IQSEC1: variants seen among roughly 807,000 people sequenced by gnomAD.
IQSEC1 encodes the protein IQ motif and Sec7 domain ArfGEF 1.
IQSEC1 carries 31 observed loss-of-function variants against 91.0 expected under a neutral mutation model. The observed-to-expected ratio is 0.34, with a 90% CI of 0.26 to 0.46. The LOEUF (loss-of-function observed/expected upper bound fraction) is 0.46, where lower values mean the gene tolerates loss of function less well. Among genes scored for constraint, IQSEC1 ranks in the 20% least tolerant of loss-of-function variants. The probability of loss-of-function intolerance (pLI) is 1.00; values close to 1 mark genes in which losing one functional copy is unlikely to be tolerated. For missense variants in IQSEC1, 1,388 were observed against 1,575.6 expected, an observed-to-expected ratio of 0.88 and a Z score of 2.02; for synonymous variants, 699 against 662.6, an observed-to-expected ratio of 1.05 and a Z score of -0.84.
rs1032666648 is a variant in IQSEC1, at chr3:12,922,952, G to C, written c.1731-710C>G. On this transcript the variant is annotated intron_variant, in intron 4 of 13. Coordinates refer to ENST00000613206, the MANE Select transcript of IQSEC1 (RefSeq NM_001134382.3). This position sits in a 1 kb window ranked among gnomAD's most constrained non-coding sequence, Gnocchi z 5.1. ...TGGCCAAGCTCCCTAATGATGCTGC[G>C]GTCACTCCCATGGGGCAGAGAGAGG... 2.6e-5 allele frequency among the ~76,000 whole-genome samples: 4 copies of C among 152,232 alleles called. No individual in the cohort carries two copies. The East Asian group carries it at 7.8e-4, about 30-fold the overall frequency.
At chr3:13,093,817 T>A (rs946751217) in intron 2 of IQSEC1, among the ~76,000 whole-genome samples, 2 of 152,094 alleles carry the variant, frequency 1.3e-5, no homozygotes, top group African/African-American at 4.8e-5. Flanking sequence ...CCGCTAGGTC[T>A]CCCCCTGTCC....
In IQSEC1 at chr3:13,112,434, A is replaced by G. The variant is rs1706262095; in HGVS notation, c.302+51670T>C. On this transcript the variant is annotated intron_variant, in intron 2 of 15. Transcript: ENST00000648114. Reference sequence around the variant, plus strand: ...GTCCCCGGCACATGTGCAGTGCTGCATGGGAGGTGGCGCTCACTCTCAGTG... The same window carrying G: ...GTCCCCGGCACATGTGCAGTGCTGCGTGGGAGGTGGCGCTCACTCTCAGTG... Among the ~76,000 whole-genome samples, 3 of 152,244 alleles carry G rather than the reference A, an allele frequency of 2.0e-5. No homozygotes were observed. In the South Asian group the frequency reaches 6.2e-4, roughly 31 times the overall value.
intron 1 of IQSEC1, among the ~76,000 whole-genome samples, chr3:13,236,764 C>A (rs971993448): frequency 1.3e-5 from 2 of 152,246 alleles, no homozygotes; most frequent in African/African-American, 4.8e-5. Context: ...CATCAGTCTA[C>A]GCATCATCTA....
chr3:12,990,007 C>T (rs1322756070), intron 1 of IQSEC1, among the ~76,000 whole-genome samples: 1 of 152,210 alleles, frequency 6.6e-6, no homozygotes, highest in African/African-American at 2.4e-5. Flanking sequence ...ATACCAAACC[C>T]TCAGTCCACT....
rs534381733 is a variant in IQSEC1 at position 13,058,587 on chromosome 3, T to C, written c.23+14405A>G. On this transcript the variant is annotated intron_variant, in intron 1 of 13. Transcript: ENST00000613206. ...AGTCAGCACCATCCAGGGGAGGACC[T>C]GGAGGGCAGCTGCAGGGGACCTGAA... is the stretch of plus-strand genomic sequence containing the variant. 3.3e-5 allele frequency among the ~76,000 whole-genome samples: 5 copies of C among 152,282 alleles called. No homozygotes were observed. In the East Asian group the frequency reaches 9.7e-4, roughly 29 times the overall value.
upstream of IQSEC1, among the ~76,000 whole-genome samples, chr3:13,074,078 A>C (rs775344777): frequency 3.8e-4 from 58 of 152,330 alleles, no homozygotes; most frequent in Middle Eastern, 3.4e-3. Flanking sequence ...TTACAGTCTA[A>C]GGGGAAGCCA....
At chr3:13,052,129 T>C (rs898741177) in intron 1 of IQSEC1, among the ~76,000 whole-genome samples, 1 of 152,170 alleles carries the variant, frequency 6.6e-6, no homozygotes, top group African/African-American at 2.4e-5. Flanking sequence ...CCTAGCTGTG[T>C]GTGGCCAGCA....
intron 1 of IQSEC1, among the ~76,000 whole-genome samples, chr3:13,056,717 G>C (rs966803504): frequency 2.0e-5 from 3 of 152,160 alleles, no homozygotes; most frequent in Admixed American, 1.3e-4. Flanking sequence ...CCAACCTCAG[G>C]ATGGAGGATT....
At chr3:13,180,967 C>A (rs142032544) in intron 1 of IQSEC1, among the ~76,000 whole-genome samples, 7,219 of 152,236 alleles carry the variant, frequency 0.047, 274 homozygotes, top group Non-Finnish European at 0.069. Flanking sequence ...CCACCAATTC[C>A]GGACACAAAA....
At chr3:13,157,716 G>A (rs1250949046) in intron 2 of IQSEC1, among the ~76,000 whole-genome samples, 1 of 152,242 alleles carries the variant, frequency 6.6e-6, no homozygotes, top group Non-Finnish European at 1.5e-5. Context: ...TCCTGCTCAT[G>A]TAAACATGGG....
intron 1 of IQSEC1, among the ~76,000 whole-genome samples, chr3:12,959,314 A>C (rs889035056): frequency 6.6e-6 from 1 of 152,192 alleles, no homozygotes; most frequent in Admixed American, 6.5e-5. Flanking sequence ...AAGCCAGGGC[A>C]ACAGGGAGAC....
intron 1 of IQSEC1, among the ~76,000 whole-genome samples, chr3:13,262,814 G>C (rs1695411884): frequency 6.6e-6 from 1 of 152,204 alleles, no homozygotes. Context: ...ACTCACAAAA[G>C]AACAAATATT....
chr3:13,005,944 C>A (rs145628635), intron 1 of IQSEC1, among the ~76,000 whole-genome samples: 423 of 152,346 alleles, frequency 2.8e-3, no homozygotes, highest in Non-Finnish European at 4.7e-3. Context: ...GAGCAGTGCA[C>A]ACAAAACCAG....
chr3:12,912,267 G>A (rs1695633051), intron 9 of IQSEC1, among the ~76,000 whole-genome samples: 1 of 152,214 alleles, frequency 6.6e-6, no homozygotes, highest in African/African-American at 2.4e-5. Context: ...GGCAGCCAAA[G>A]GCTGGGCTGG....
chr3:12,951,329 G>T (rs1008284453), intron 1 of IQSEC1, among the ~76,000 whole-genome samples: 1 of 152,068 alleles, frequency 6.6e-6, no homozygotes, highest in Non-Finnish European at 1.5e-5. Context: ...AGGCTAAGGC[G>T]CGAGAACTGC....
chr3:13,047,113 C>T (rs969112039), intron 1 of IQSEC1, among the ~76,000 whole-genome samples: 1 of 152,180 alleles, frequency 6.6e-6, no homozygotes, highest in South Asian at 2.1e-4. Context: ...CAGCCTTGGT[C>T]GTCATGGGAA....
intron 1 of IQSEC1, among the ~76,000 whole-genome samples, chr3:13,005,303 G>A (rs1294303418): frequency 6.6e-6 from 1 of 152,190 alleles, no homozygotes; most frequent in Non-Finnish European, 1.5e-5. Flanking sequence ...GGCCTGTACT[G>A]CTGGACCTCG....
chr3:13,113,046 G>A (rs1706275938), intron 2 of IQSEC1, among the ~76,000 whole-genome samples: 1 of 152,228 alleles, frequency 6.6e-6, no homozygotes, highest in Non-Finnish European at 1.5e-5. Context: ...GCTGCTCTGG[G>A]AGCTGCTGCT....
intron 12 of IQSEC1, among the ~76,000 whole-genome samples, chr3:12,906,836 A>C (rs1220843817): frequency 6.6e-6 from 1 of 152,144 alleles, no homozygotes; most frequent in African/African-American, 2.4e-5. Flanking sequence ...GGGAGAGGGC[A>C]GGGCCTGTCA....
Sources: gnomAD v4.1 joint callset for allele counts (sites outside exome capture counted in the v4.1 genomes callset) on GRCh38, gnomAD v4.1.1 for gene constraint, Gnocchi (gnomAD v3.1) non-coding constraint, MANE v1.5 for transcripts, NCBI Gene and HGNC (gene_info 2026-07-23, HGNC 2026-07-21) for gene names.